The following GRID2 variants were observed in gnomAD, a reference collection of about 807,000 sequenced individuals.
The protein encoded by GRID2 is glutamate ionotropic receptor delta type subunit 2.
GRID2 carries 33 observed loss-of-function variants against 114.8 expected under a neutral mutation model. That is an observed-to-expected ratio of 0.29 (90% CI 0.22 to 0.38). The LOEUF (loss-of-function observed/expected upper bound fraction) is 0.38, where lower values mean the gene tolerates loss of function less well. Ranked by LOEUF, GRID2 falls within the 10% of genes least tolerant of loss-of-function variation. GRID2 has a pLI of 1.00. For synonymous variants in GRID2, 505 were observed against 449.9 expected, an observed-to-expected ratio of 1.12 and a Z score of -1.55; for missense variants, 1,184 against 1,257.7, an observed-to-expected ratio of 0.94 and a Z score of 0.89.
intron 2 of GRID2, among the ~76,000 whole-genome samples, chr4:92,606,052 C>T (rs1729435763): frequency 6.6e-6 from 1 of 151,990 alleles, no homozygotes; most frequent in Non-Finnish European, 1.5e-5. Context: ...AAAATAAATA[C>T]CAAAATTTGT....
chr4:93,098,555 G>A (rs1247713354), intron 3 of GRID2, among the ~76,000 whole-genome samples: 1 of 151,956 alleles, frequency 6.6e-6, no homozygotes, highest in East Asian at 1.9e-4. Flanking sequence ...TTGTTTTAAT[G>A]GAATTATTCT....
chr4:93,231,904 A>G (rs1482564317), intron 7 of GRID2, among the ~76,000 whole-genome samples: 1 of 152,170 alleles, frequency 6.6e-6, no homozygotes, highest in Non-Finnish European at 1.5e-5. Context: ...AACCCAACTT[A>G]GAAAATAGAT....
At chr4:92,368,595 G>A (rs565256101) in intron 1 of GRID2, among the ~76,000 whole-genome samples, 85 of 152,046 alleles carry the variant, frequency 5.6e-4, no homozygotes, top group Non-Finnish European at 7.4e-4. Flanking sequence ...TGGTTTATAG[G>A]AAACCTAAGC....
intron 6 of GRID2, among the ~76,000 whole-genome samples, chr4:93,219,805 C>T (rs1464346883): frequency 6.6e-6 from 1 of 152,102 alleles, no homozygotes; most frequent in Non-Finnish European, 1.5e-5. Flanking sequence ...AAAACAGAAA[C>T]ATTCTAATAC....
intron 14 of GRID2, among the ~76,000 whole-genome samples, chr4:93,666,056 T>G (rs1002413879): frequency 6.6e-6 from 1 of 152,124 alleles, no homozygotes; most frequent in Admixed American, 6.6e-5. Flanking sequence ...GTACAATAAC[T>G]GGTTTAGGTT....
At chr4:93,783,608 C>G (rs1734525396) in intron 1 of GRID2, among the ~76,000 whole-genome samples, 1 of 152,156 alleles carries the variant, frequency 6.6e-6, no homozygotes, top group Non-Finnish European at 1.5e-5. Context: ...AAAACACAAA[C>G]AGATTCAGAG....
intron 8 of GRID2, among the ~76,000 whole-genome samples, chr4:93,342,006 T>G (rs1759707780): frequency 6.6e-6 from 1 of 152,238 alleles, no homozygotes; most frequent in African/African-American, 2.4e-5. Flanking sequence ...TCTCTCCTTC[T>G]ATTCCACTAT....
chr4:93,531,777 TATTTCTGCATATTACAATAC>T (rs1450503498), intron 13 of GRID2, among the ~76,000 whole-genome samples: 1 of 152,112 alleles, frequency 6.6e-6, no homozygotes, highest in Non-Finnish European at 1.5e-5. Context: ...TTGCATATTT[TATTTCTGCATATTACAATAC>T]ATTATGTTCA....
intron 1 of GRID2, among the ~76,000 whole-genome samples, chr4:93,804,433 C>T (rs184823634): frequency 1.2e-3 from 181 of 152,174 alleles, no homozygotes; most frequent in African/African-American, 4.0e-3. Context: ...TACAGCACGC[C>T]GCTGTACAGA....
At chr4:93,035,405 C>T (rs899244262) in intron 2 of GRID2, among the ~76,000 whole-genome samples, 1 of 152,154 alleles carries the variant, frequency 6.6e-6, no homozygotes. Context: ...TGATCCACTG[C>T]ATCCTGCCTT....
At chr4:92,857,796 A>T (rs1049087482) in intron 2 of GRID2, among the ~76,000 whole-genome samples, 1 of 152,208 alleles carries the variant, frequency 6.6e-6, no homozygotes, top group Non-Finnish European at 1.5e-5. Context: ...TTGGATAAAC[A>T]TGCTATCTAG....
At chr4:93,127,402 AGAAAT>A (rs1459768766) in intron 4 of GRID2, among the ~76,000 whole-genome samples, 1 of 152,234 alleles carries the variant, frequency 6.6e-6, no homozygotes, top group Non-Finnish European at 1.5e-5. Flanking sequence ...AAAAAGAAAA[AGAAAT>A]GAACATATAC....
chr4:93,670,829 G>T (rs1043933387), intron 14 of GRID2, among the ~76,000 whole-genome samples: 1 of 152,170 alleles, frequency 6.6e-6, no homozygotes, highest in Non-Finnish European at 1.5e-5. Flanking sequence ...AGTCCATCCA[G>T]TGGGACCATG....
chr4:93,728,753 T>C (rs1175258869), intron 14 of GRID2, among the ~76,000 whole-genome samples: 1 of 152,100 alleles, frequency 6.6e-6, no homozygotes. Context: ...GCCTTCTTTG[T>C]CTCTTTTGAT....
intron 14 of GRID2, among the ~76,000 whole-genome samples, chr4:93,745,629 G>A (rs1277646266): frequency 6.6e-6 from 1 of 152,002 alleles, no homozygotes; most frequent in African/African-American, 2.4e-5. Context: ...ATTTGTACTT[G>A]ATTTTGAAAC....
chr4:92,584,916 A>C (rs553664369), intron 1 of GRID2, among the ~76,000 whole-genome samples: 1 of 152,186 alleles, frequency 6.6e-6, no homozygotes, highest in African/African-American at 2.4e-5. Context: ...CAATTTATGA[A>C]GCATGAGAAG....
rs560641907 is a variant in GRID2 at position 93,599,732 on chromosome 4, A to G, written c.2194-26537A>G. Among the ~76,000 whole-genome samples, 44 of 152,340 alleles carry G rather than the reference A, an allele frequency of 2.9e-4. No individual in the cohort carries two copies. The South Asian group carries it at 8.5e-3, about 29-fold the overall frequency. ...TGACCCTTGAGAGAAGAAACTGCAC[A>G]AGGAAAGAGTCGCAGTTACATGGCT... On this transcript the variant is annotated intron_variant, in intron 13 of 15. Transcript: ENST00000282020.
chr4:93,476,063 G>T (rs1332907140), intron 11 of GRID2, among the ~76,000 whole-genome samples: 1 of 151,934 alleles, frequency 6.6e-6, no homozygotes, highest in African/African-American at 2.4e-5. Flanking sequence ...AAAAAGAAAA[G>T]AGAATAATTT....
intron 8 of GRID2, among the ~76,000 whole-genome samples, chr4:93,339,021 C>T (rs1362625275): frequency 2.0e-5 from 3 of 152,114 alleles, no homozygotes; most frequent in African/African-American, 7.2e-5. Context: ...GTGAGAACAC[C>T]AAGCAGCCAT....
Sources: allele counts gnomAD v4.1 joint callset (sites outside exome capture counted in the v4.1 genomes callset), GRCh38; gene constraint gnomAD v4.1.1; transcripts MANE v1.5; gene names NCBI Gene and HGNC (gene_info 2026-07-23, HGNC 2026-07-21).